Variants in RWDD4 observed in about 807,000 individuals in gnomAD.
RWDD4 encodes the protein RWD domain containing 4.
A neutral mutation model predicts 30.0 loss-of-function variants in RWDD4; 16 were observed. The observed-to-expected ratio is 0.53, with a 90% CI of 0.36 to 0.81. RWDD4 has a LOEUF of 0.81. RWDD4 is among the 30% of genes least tolerant of loss of function. The probability of loss-of-function intolerance (pLI) is 0.00; values close to 1 mark genes in which losing one functional copy is unlikely to be tolerated. For synonymous variants in RWDD4, 45 were observed against 72.1 expected (o/e 0.62, Z 1.90); for missense variants, 170 against 223.9 (o/e 0.76, Z 1.54).
chr4:183,647,327 A>G (rs1262273546), intron 5 of RWDD4, among the ~76,000 whole-genome samples: 1 of 152,238 alleles, frequency 6.6e-6, no homozygotes, highest in Non-Finnish European at 1.5e-5. Flanking sequence ...AGCTAGGGAA[A>G]AAGAAATTAA....
intron 1 of RWDD4, among the ~76,000 whole-genome samples, chr4:183,656,783 T>C (rs1448200522): frequency 6.6e-6 from 1 of 152,198 alleles, no homozygotes; most frequent in Admixed American, 6.5e-5. Context: ...CCCAGCACTT[T>C]GGGAGGCCGA....
At position 183,649,497 on chromosome 4, in the gene RWDD4, T is replaced by C. The variant is rs1734032379; in HGVS notation, c.435A>G (p.Lys145=). The C allele has an allele frequency of 6.2e-7, 1 of 1,613,304 alleles. No individual in the cohort carries two copies. The highest frequency in any genetic ancestry group is 1.3e-5 in the African/African-American group (1 of 74,904). ...GCTTCTGGGCTTTTGAAAGTTGTTC[T>C]TTTTTGTCTTTTTTCTTACTTGATG... ...TAPSSKKKDK[K]EQLSKAQKRK... The change falls in exon 5 of 8, where the codon AAA becomes AAG. Residue 145 remains lysine (K), a synonymous_variant. Transcript: ENST00000326397.
In RWDD4 at chr4:183,655,887, T is replaced by C; in HGVS notation, c.99A>G (p.Gln33=). ...TATTCATGCCATGTCTTACCCTATA[T>C]TGAAAAGAAACTGGACTTAATTCCC... ...SFRELSPVSF[Q]YRIGENGDPK... Residue 33 remains glutamine (Q), a synonymous_variant, in exon 2 of 8, where the codon CAA becomes CAG. Coordinates refer to ENST00000326397, the MANE Select transcript of RWDD4 (RefSeq NM_152682.4). 6.2e-7 allele frequency: 1 copy of C among 1,603,198 alleles called. No individual in the cohort carries two copies. The highest frequency in any genetic ancestry group is 8.5e-7 in the Non-Finnish European group (1 of 1,171,550).
chr4:183,651,289 C>A lies in RWDD4; in HGVS notation c.144G>T (p.Glu48Asp), dbSNP rs369320250. The change falls in exon 3 of 8, where the codon GAG becomes GAT. Residue 48 changes from glutamate to aspartate, a missense_variant. By Grantham distance (45) the Glu-to-Asp change is conservative (BLOSUM62 2). Coordinates refer to ENST00000326397, the MANE Select transcript of RWDD4 (RefSeq NM_152682.4). ...GGGGATATGTTTCTGTCCAGGAAAT[C>A]TCTATTAAGAAGGCTTTGGGATCAC... Reference protein sequence around the residue: ...ENGDPKAFLIEISWTETYPQT... With the variant: ...ENGDPKAFLIDISWTETYPQT... 5 of 1,612,328 alleles carry A rather than the reference C, an allele frequency of 3.1e-6. No individual in the cohort carries two copies. Among genetic ancestry groups the A allele is most frequent in the Non-Finnish European group, 4.2e-6 (5 of 1,179,948 alleles).
intron 7 of RWDD4, among the ~76,000 whole-genome samples, chr4:183,645,890 G>A (rs534949850): frequency 1.1e-4 from 17 of 152,128 alleles, no homozygotes; most frequent in South Asian, 2.1e-4. Flanking sequence ...AAGAATCTGC[G>A]TTATCTTTTC....
At chr4:183,650,911 T>C (rs995298729) in intron 4 of RWDD4, 73 bp downstream of exon 4, 10 of 1,457,192 alleles carry the variant, frequency 6.9e-6, no homozygotes, top group Non-Finnish European at 9.4e-6. Flanking sequence ...ATATATTAAG[T>C]AGTACAAATT....
chr4:183,658,930 T>G lies in RWDD4; in HGVS notation c.23A>C (p.Glu8Ala), dbSNP rs912497324. The G allele has an allele frequency of 7.9e-7, 1 of 1,272,196 alleles. No individual in the cohort carries two copies. The highest frequency in any genetic ancestry group is 9.9e-7 in the Non-Finnish European group (1 of 1,010,354). 78.8% of individuals were successfully genotyped at this position (1,272,196 alleles called of 1,614,324 possible). ...AGGGCCCTGAGCCGGGGGGCTCACC[T>G]CCTGGTCCTCGTTGGCACTCATCGC... MSANEDQ[E>A]MELEALRSIY... Residue 8 changes from glutamate to alanine, a missense_variant and splice_region_variant, in exon 1 of 8, where the codon GAG becomes GCG. Transcript: ENST00000326397.
chr4:183,642,960 G>A (rs1010743347), intron 7 of RWDD4, among the ~76,000 whole-genome samples: 8 of 151,620 alleles, frequency 5.3e-5, no homozygotes, highest in African/African-American at 1.9e-4. Flanking sequence ...TTGGGAGGCT[G>A]AGGCAGGAGA....
chr4:183,644,446 C>G (rs1440401756), intron 7 of RWDD4, among the ~76,000 whole-genome samples: 1 of 152,202 alleles, frequency 6.6e-6, no homozygotes, highest in Non-Finnish European at 1.5e-5. Context: ...AAAATGCATT[C>G]AATGGAACAA....
At chr4:183,648,549 A>G (rs1308563455) in intron 5 of RWDD4, among the ~76,000 whole-genome samples, 2 of 152,236 alleles carry the variant, frequency 1.3e-5, no homozygotes, top group Non-Finnish European at 2.9e-5. Flanking sequence ...ATTCTTAAAT[A>G]TTATTGTTGT....
chr4:183,646,204 T>C (rs2111233649), intron 7 of RWDD4, 147 bp downstream of exon 7: 1 of 616,862 alleles, frequency 1.6e-6, no homozygotes, highest in South Asian at 2.1e-5. Context: ...GTCCCCTAAG[T>C]ATCTGCATTC....
Position 183,655,969 on chromosome 4 carries a change from A to G in RWDD4, c.25-8T>C. On this transcript the variant is annotated splice_region_variant and splice_polypyrimidine_tract_variant and intron_variant, in intron 1 of 7. Transcript: ENST00000326397. ...TAATGCTTCTAGTTCCATCTGAAAT[A>G]AAGAACTGAATGAGTTTTGTTTAGT... 1.3e-6 allele frequency: 2 copies of G among 1,585,510 alleles called. No individual in the cohort carries two copies. The highest frequency in any genetic ancestry group is 1.7e-6 in the Non-Finnish European group (2 of 1,156,984).
At chr4:183,643,948 A>C (rs1733918128) in intron 7 of RWDD4, among the ~76,000 whole-genome samples, 1 of 152,184 alleles carries the variant, frequency 6.6e-6, no homozygotes, top group Non-Finnish European at 1.5e-5. Flanking sequence ...AAAACCACAA[A>C]AAAAACTTCT....
chr4:183,643,149 GGGC>G (rs1733897320), intron 7 of RWDD4, among the ~76,000 whole-genome samples: 1 of 145,770 alleles, frequency 6.9e-6, no homozygotes, highest in Non-Finnish European at 1.5e-5. Flanking sequence ...GGTTAAGGCC[GGGC>G]ATGGTGGCTC....
intron 1 of RWDD4, among the ~76,000 whole-genome samples, chr4:183,657,250 A>G (rs892724149): frequency 1.3e-5 from 2 of 152,210 alleles, no homozygotes; most frequent in African/African-American, 4.8e-5. Context: ...TACAGAAAAA[A>G]CAAAAAAAAA....
chr4:183,647,082 G>T (rs1374230460), intron 5 of RWDD4, among the ~76,000 whole-genome samples: 1 of 152,058 alleles, frequency 6.6e-6, no homozygotes, highest in Non-Finnish European at 1.5e-5. Context: ...CTTTAAAAAG[G>T]GCTTTAATCT....
rs1579133509 is a variant in RWDD4 at position 183,656,207 on chromosome 4, A to G, written c.25-246T>C. ...AATGTATGATCGCGCTGACTTCTCAAATCAACCCTGTCAAGAGGCTCCTAT... is the reference window on the plus strand; with the variant it reads ...AATGTATGATCGCGCTGACTTCTCAGATCAACCCTGTCAAGAGGCTCCTAT... On this transcript the variant is annotated intron_variant, in intron 1 of 7. Transcript: ENST00000326397. The G allele has an allele frequency of 3.0e-5, 9 of 297,816 alleles. No individual in the cohort carries two copies. The East Asian group carries it at 4.8e-4, about 16-fold the overall frequency. 18.4% of individuals were successfully genotyped at this position (297,816 alleles called of 1,614,324 possible).
At chr4:183,644,873 G>A (rs549236307) in intron 7 of RWDD4, among the ~76,000 whole-genome samples, 41 of 152,266 alleles carry the variant, frequency 2.7e-4, no homozygotes, top group Non-Finnish European at 3.4e-4. Flanking sequence ...AAGGTGGGAG[G>A]ATCACTTGAG....
intron 7 of RWDD4, 47 bp downstream of exon 7, chr4:183,646,304 G>T: frequency 1.2e-6 from 1 of 803,106 alleles, no homozygotes; most frequent in South Asian, 1.5e-5. Context: ...CTAAAATTGA[G>T]AGTGCAGGGA....
Sources: gnomAD v4.1 joint callset for allele counts (sites outside exome capture counted in the v4.1 genomes callset) on GRCh38, gnomAD v4.1.1 for gene constraint, MANE v1.5 for transcripts, NCBI Gene and HGNC (gene_info 2026-07-23, HGNC 2026-07-21) for gene names.